Variants in SRGAP2C observed in about 807,000 individuals in gnomAD.
The protein encoded by SRGAP2C is SLIT-ROBO Rho GTPase activating protein 2C, also known as SLIT-ROBO Rho GTPase-activating protein 2C.
A neutral mutation model predicts 25.1 loss-of-function variants in SRGAP2C; 15 were observed. That is an observed-to-expected ratio of 0.60 (90% CI 0.40 to 0.92). The LOEUF is 0.92. Among genes scored for constraint, SRGAP2C ranks in the 40% least tolerant of loss-of-function variants. The probability of loss-of-function intolerance (pLI) is 0.00; values close to 1 mark genes in which losing one functional copy is unlikely to be tolerated. For synonymous variants in SRGAP2C, 44 were observed against 96.6 expected, an observed-to-expected ratio of 0.46 and a Z score of 3.19; for missense variants, 144 against 264.4, an observed-to-expected ratio of 0.54 and a Z score of 3.16.
At chr1:121,224,085 A>C (rs587695730) in intron 2 of SRGAP2C, among the ~76,000 whole-genome samples, 1 of 152,156 alleles carries the variant, frequency 6.6e-6, no homozygotes, top group Admixed American at 6.6e-5. Context: ...TGGGGATTTA[A>C]AGACAAAGAA....
intron 2 of SRGAP2C, among the ~76,000 whole-genome samples, chr1:121,188,066 TG>T (rs1164754328): frequency 6.6e-6 from 1 of 152,162 alleles, no homozygotes; most frequent in Non-Finnish European, 1.5e-5. Context: ...TGTACCTGCC[TG>T]GTCTCTGGTC....
intron 2 of SRGAP2C, among the ~76,000 whole-genome samples, chr1:121,271,468 C>A (rs1553335295): frequency 6.6e-6 from 1 of 151,812 alleles, no homozygotes; most frequent in East Asian, 1.9e-4. Flanking sequence ...TGTACAGTTT[C>A]TTTTACAGCA....
rs1345074014 is a variant in SRGAP2C, at chr1:121,287,853, TA to T, written c.260+2860del. The stretch of plus-strand genomic sequence containing the variant: ...CCTTCACGGTGAGTGTTACAGCTCT[TA>T]AGGCAGCGCGTCTGGAGTTGTTCAT... On this transcript the variant is annotated intron_variant, in intron 3 of 9. Coordinates refer to ENST00000367123, the MANE Select transcript of SRGAP2C (RefSeq NM_001329984.2). Among the ~76,000 whole-genome samples, 11 of 152,214 alleles carry T rather than the reference TA, an allele frequency of 7.2e-5. No individual in the cohort carries two copies. The East Asian group carries it at 2.1e-3, about 29-fold the overall frequency.
At chr1:121,265,277 AC>A (rs1325010655) in intron 2 of SRGAP2C, among the ~76,000 whole-genome samples, 1 of 118,314 alleles carries the variant, frequency 8.5e-6, no homozygotes, top group African/African-American at 3.3e-5. Context: ...TAATGTCATT[AC>A]TTTTATAGAC....
At position 121,294,627 on chromosome 1, in the gene SRGAP2C, C is replaced by G. The variant is rs1166333113; in HGVS notation, c.260+9632C>G. On this transcript the variant is annotated intron_variant, in intron 3 of 9. Coordinates refer to ENST00000367123, the MANE Select transcript of SRGAP2C (RefSeq NM_001329984.2). ...TTTTAAATAGACTTCCTGTAAATTA[C>G]CTTTCAGTCATAGCTCACTTGGTTT... 9.9e-5 allele frequency among the ~76,000 whole-genome samples: 9 copies of G among 91,352 alleles called. 1 individual carries two copies. The highest frequency in any genetic ancestry group is 3.5e-4 in the African/African-American group (9 of 25,994). 59.9% of individuals were successfully genotyped at this position (91,352 alleles called of 152,430 possible). A position where few individuals can be genotyped will look rare whatever the true frequency, so the allele number is the denominator to read the frequency against.
chr1:121,335,870 T>C (rs1327137204), intron 4 of SRGAP2C, among the ~76,000 whole-genome samples: 4 of 152,032 alleles, frequency 2.6e-5, no homozygotes, highest in Non-Finnish European at 5.9e-5. Context: ...TTGGACATCA[T>C]AGATAATATG....
intron 4 of SRGAP2C, among the ~76,000 whole-genome samples, chr1:121,335,402 T>G (rs1658492814): frequency 6.9e-6 from 1 of 143,924 alleles, no homozygotes; most frequent in African/African-American, 2.6e-5. Flanking sequence ...CAACCAATTC[T>G]TTCTTTTGTT....
chr1:121,280,886 A>T, intron 2 of SRGAP2C, among the ~76,000 whole-genome samples: 2 of 133,574 alleles, frequency 1.5e-5, no homozygotes, highest in Non-Finnish European at 3.2e-5. Flanking sequence ...TGAGTCTTTG[A>T]GTGTGTACAC....
chr1:121,262,535 A>G (rs1656649984), intron 2 of SRGAP2C, among the ~76,000 whole-genome samples: 1 of 86,230 alleles, frequency 1.2e-5, no homozygotes, highest in African/African-American at 4.7e-5. Flanking sequence ...ATTGTTAAAG[A>G]CAGGGAAAGC....
chr1:121,296,276 T>C (rs2101580639), intron 3 of SRGAP2C, among the ~76,000 whole-genome samples: 1 of 152,190 alleles, frequency 6.6e-6, no homozygotes, highest in South Asian at 2.1e-4. Context: ...GAGGGGATGG[T>C]TGAAACTGTG....
At chr1:121,303,565 T>C (rs1377941141) in intron 3 of SRGAP2C, among the ~76,000 whole-genome samples, 14 of 150,578 alleles carry the variant, frequency 9.3e-5, no homozygotes, top group African/African-American at 3.4e-4. Flanking sequence ...AAATGGTATT[T>C]AGAAGCCATG....
At chr1:121,210,319 A>T (rs1288356588) in intron 2 of SRGAP2C, among the ~76,000 whole-genome samples, 5 of 17,128 alleles carry the variant, frequency 2.9e-4, no homozygotes, top group African/African-American at 2.2e-3. Flanking sequence ...CAGCGCTTTA[A>T]AAAAAAAAAA....
rs1390551663 is a variant in SRGAP2C, at chr1:121,285,941, G to T, written c.260+946G>T. ...TCCCTGGGCCACATTGGAAGAAGAA[G>T]AATTGTCTTGGGCCACCCATAAAAT... On this transcript the variant is annotated intron_variant, in intron 3 of 9. Coordinates refer to ENST00000367123, the MANE Select transcript of SRGAP2C (RefSeq NM_001329984.2). Among the ~76,000 whole-genome samples, 74 of 152,238 alleles carry T rather than the reference G, an allele frequency of 4.9e-4. No homozygotes were observed. The South Asian group carries it at 0.014, about 29-fold the overall frequency.
At chr1:121,335,814 T>A (rs1166372910) in intron 4 of SRGAP2C, among the ~76,000 whole-genome samples, 3 of 151,050 alleles carry the variant, frequency 2.0e-5, no homozygotes. Flanking sequence ...TTTATTGATT[T>A]TCCTCTTGAC....
rs1657567488 is a variant in SRGAP2C at position 121,295,007 on chromosome 1, T to C, written c.260+10012T>C. Among the ~76,000 whole-genome samples the C allele has an allele frequency of 2.3e-5, 2 of 85,750 alleles. 1 individual carries two copies. The highest frequency in any genetic ancestry group is 9.4e-5 in the African/African-American group (2 of 21,310). The allele number at this position is 85,750 out of a possible 152,430, so 56.3% of individuals were successfully genotyped here. A position where few individuals can be genotyped will look rare whatever the true frequency, so the allele number is the denominator to read the frequency against. ...GGCTATATGTAGTAAGTACTAAGTA[T>C]ATGCTGCAGAAGAGATGAGGCTCAG... is the stretch of plus-strand genomic sequence containing the variant. On this transcript the variant is annotated intron_variant, in intron 3 of 9. Transcript: ENST00000367123.
At chr1:121,315,329 G>A (rs1477873262) in intron 3 of SRGAP2C, among the ~76,000 whole-genome samples, 5 of 149,896 alleles carry the variant, frequency 3.3e-5, no homozygotes, top group Admixed American at 2.7e-4. Flanking sequence ...TTTTAAAACA[G>A]GTGAAGAGAT....
chr1:121,366,289 G>T (rs1292544133), intron 5 of SRGAP2C, among the ~76,000 whole-genome samples: 1 of 141,650 alleles, frequency 7.1e-6, no homozygotes, highest in African/African-American at 2.6e-5. Context: ...TTCTTCCTTT[G>T]TTTTTTTTTT....
At chr1:121,270,202 C>A (rs1202331712) in intron 2 of SRGAP2C, among the ~76,000 whole-genome samples, 1 of 150,378 alleles carries the variant, frequency 6.6e-6, no homozygotes, top group Non-Finnish European at 1.5e-5. Flanking sequence ...CTTTTTTACA[C>A]TTGAGTGATG....
chr1:121,206,437 A>G (rs1330285979), intron 2 of SRGAP2C, among the ~76,000 whole-genome samples: 2 of 152,246 alleles, frequency 1.3e-5, no homozygotes, highest in African/African-American at 2.4e-5. Flanking sequence ...AAGATCAGCC[A>G]GAGTCTGGCT....
Sources: gnomAD v4.1 joint callset for allele counts (sites outside exome capture counted in the v4.1 genomes callset) on GRCh38, gnomAD v4.1.1 for gene constraint, MANE v1.5 for transcripts, NCBI Gene and HGNC (gene_info 2026-07-23, HGNC 2026-07-21) for gene names.